The following GALNT13 variants were observed in gnomAD, a reference collection of about 807,000 sequenced individuals.
GALNT13 encodes polypeptide N-acetylgalactosaminyltransferase 13.
GALNT13 carries 28 observed loss-of-function variants against 64.2 expected under a neutral mutation model. The ratio of observed to expected loss-of-function variants is 0.44; its 90% CI spans 0.32 to 0.60. GALNT13 has a LOEUF of 0.60. GALNT13 is among the 20% of genes least tolerant of loss of function. The pLI, the probability that GALNT13 is intolerant of heterozygous loss-of-function variation, is 0.05. For synonymous variants in GALNT13, 214 were observed against 224.6 expected (o/e 0.95, Z 0.42); for missense variants, 577 against 669.8 (o/e 0.86, Z 1.53).
At chr2:154,217,161 G>A (rs1158885155) in intron 4 of GALNT13, among the ~76,000 whole-genome samples, 1 of 151,598 alleles carries the variant, frequency 6.6e-6, no homozygotes, top group African/African-American at 2.4e-5. Flanking sequence ...TATTATTGGG[G>A]ATTTAAAAAA....
intron 3 of GALNT13, among the ~76,000 whole-genome samples, chr2:154,101,006 GT>G (rs921586787): frequency 5.7e-4 from 86 of 152,120 alleles, no homozygotes; most frequent in African/African-American, 1.9e-3. Flanking sequence ...TGTGAATCAC[GT>G]TCATTGATTT....
At chr2:153,147,541 C>CTT in the GALNT13 span, among the ~76,000 whole-genome samples, 4,744 of 132,058 alleles carry the variant, frequency 0.036, 282 homozygotes, top group African/African-American at 0.12. Context: ...AAGCATTAGA[C>CTT]TTTTTTTTTT....
At position 154,273,973 on chromosome 2, in the gene GALNT13, A is replaced by C. The variant is rs189537234; in HGVS notation, c.975+14835A>C. 3.2e-3 allele frequency among the ~76,000 whole-genome samples: 492 copies of C among 152,234 alleles called. 3 individuals are homozygous for C. Among genetic ancestry groups the C allele is most frequent in the South Asian group, 0.012 (56 of 4,830 alleles). ...GGATCTAGTATAGATTAAATATATA[A>C]GAAGGTTTTTTCTCATTATTTTGTT... On this transcript the variant is annotated intron_variant, in intron 8 of 12. Transcript: ENST00000392825.
the GALNT13 span, among the ~76,000 whole-genome samples, chr2:153,268,154 C>A: frequency 6.6e-6 from 1 of 152,162 alleles, no homozygotes; most frequent in East Asian, 1.9e-4. Context: ...TGAGACAAAG[C>A]AAGTTCCTTT....
intron 2 of GALNT13, among the ~76,000 whole-genome samples, chr2:153,903,582 G>T (rs1452520116): frequency 6.6e-6 from 1 of 151,922 alleles, no homozygotes; most frequent in African/African-American, 2.4e-5. Context: ...CTCTCTGTGC[G>T]TCAGCCTCTG....
chr2:153,082,079 T>C, the GALNT13 span, among the ~76,000 whole-genome samples: 1 of 152,198 alleles, frequency 6.6e-6, no homozygotes, highest in Non-Finnish European at 1.5e-5. Context: ...TGGGGCAAGA[T>C]AATGCCTCAT....
At chr2:153,682,629 C>T in the GALNT13 span, among the ~76,000 whole-genome samples, 4 of 151,732 alleles carry the variant, frequency 2.6e-5, no homozygotes, top group African/African-American at 7.2e-5. Context: ...AGAGCACAAG[C>T]GACTTTGTCA....
the GALNT13 span, among the ~76,000 whole-genome samples, chr2:153,801,077 A>C: frequency 1.3e-5 from 2 of 152,094 alleles, no homozygotes; most frequent in Non-Finnish European, 2.9e-5. Context: ...CTCAGCTTTC[A>C]TAGAATTAAA....
chr2:153,992,905 T>C (rs893586695), intron 3 of GALNT13, among the ~76,000 whole-genome samples: 1 of 152,194 alleles, frequency 6.6e-6, no homozygotes, highest in Non-Finnish European at 1.5e-5. Context: ...ATATTCATTT[T>C]ATTTGGACAT....
chr2:153,071,966 C>G, the GALNT13 span, among the ~76,000 whole-genome samples: 1 of 152,244 alleles, frequency 6.6e-6, no homozygotes, highest in East Asian at 1.9e-4. Flanking sequence ...ATTCATTGCA[C>G]CTTGTTTCCT....
chr2:154,180,630 G>A lies in GALNT13; in HGVS notation c.311+40125G>A, dbSNP rs369245736. On this transcript the variant is annotated intron_variant, in intron 4 of 12. Transcript: ENST00000392825. Reference sequence around the variant, plus strand: ...CTAAAAATCACCATGCATAATAAGCGTAGTTAAAATGTTGCTATTCATAAT... The same window carrying A: ...CTAAAAATCACCATGCATAATAAGCATAGTTAAAATGTTGCTATTCATAAT... Among the ~76,000 whole-genome samples, 43 of 152,068 alleles carry A rather than the reference G, an allele frequency of 2.8e-4. 1 individual carries two copies. The South Asian group carries it at 3.9e-3, about 14-fold the overall frequency.
At chr2:154,393,018 T>A (rs1034082170) in intron 9 of GALNT13, among the ~76,000 whole-genome samples, 3 of 152,290 alleles carry the variant, frequency 2.0e-5, no homozygotes, top group South Asian at 4.1e-4. Flanking sequence ...CAGTGGATAT[T>A]TGTGCTAGAT....
the GALNT13 span, among the ~76,000 whole-genome samples, chr2:153,677,278 T>C: frequency 1.7e-5 from 2 of 114,926 alleles, no homozygotes; most frequent in Non-Finnish European, 3.4e-5. Flanking sequence ...CTATTCACAA[T>C]AGACATACAC....
chr2:153,524,510 GA>G, the GALNT13 span, among the ~76,000 whole-genome samples: 6 of 152,150 alleles, frequency 3.9e-5, no homozygotes, highest in South Asian at 1.2e-3. Context: ...TGAAGAGGTA[GA>G]AAAAAAGTCT....
At chr2:154,219,089 T>C (rs1490079147) in intron 4 of GALNT13, among the ~76,000 whole-genome samples, 1 of 152,098 alleles carries the variant, frequency 6.6e-6, no homozygotes, top group Non-Finnish European at 1.5e-5. Flanking sequence ...TCACCAAGAA[T>C]CTAATATCTC....
chr2:153,243,524 TTGTAACA>T, the GALNT13 span, among the ~76,000 whole-genome samples: 2 of 151,200 alleles, frequency 1.3e-5, no homozygotes, highest in African/African-American at 4.9e-5. Flanking sequence ...AGAGTTAACA[TTGTAACA>T]TGTAATTCAG....
At chr2:153,348,194 G>T in the GALNT13 span, among the ~76,000 whole-genome samples, 2 of 152,126 alleles carry the variant, frequency 1.3e-5, no homozygotes, top group African/African-American at 4.8e-5. Flanking sequence ...TCTGAAGAAA[G>T]AAAAGCAAAT....
chr2:153,735,109 C>T, the GALNT13 span, among the ~76,000 whole-genome samples: 8 of 152,064 alleles, frequency 5.3e-5, no homozygotes, highest in African/African-American at 1.7e-4. Flanking sequence ...GTGTTCCATG[C>T]CTTGTTTGGA....
At chr2:154,129,113 T>G (rs1210629450) in intron 3 of GALNT13, among the ~76,000 whole-genome samples, 1 of 152,162 alleles carries the variant, frequency 6.6e-6, no homozygotes, top group Admixed American at 6.5e-5. Flanking sequence ...TATATAAAAT[T>G]AAACAATCAA....
Sources: gnomAD v4.1 joint callset for allele counts (sites outside exome capture counted in the v4.1 genomes callset) on GRCh38, gnomAD v4.1.1 for gene constraint, MANE v1.5 for transcripts, NCBI Gene and HGNC (gene_info 2026-07-23, HGNC 2026-07-21) for gene names.